FRMD4B: variants seen among roughly 807,000 people sequenced by gnomAD.
FRMD4B encodes the protein FERM domain-containing protein 4B.
Under a neutral mutation model 141.5 loss-of-function variants are expected in FRMD4B, and 74 were observed. That is an observed-to-expected ratio of 0.52 (90% CI 0.43 to 0.63). The LOEUF is 0.63. FRMD4B is among the 30% of genes least tolerant of loss of function. FRMD4B has a pLI of 0.00. For missense variants in FRMD4B, 1,366 were observed against 1,253.4 expected, an observed-to-expected ratio of 1.09 and a Z score of -1.36; for synonymous variants, 506 against 467.9, an observed-to-expected ratio of 1.08 and a Z score of -1.05.
At chr3:69,289,002 C>T (rs972376874) in intron 4 of FRMD4B, among the ~76,000 whole-genome samples, 11 of 152,140 alleles carry the variant, frequency 7.2e-5, no homozygotes, top group Non-Finnish European at 1.2e-4. Flanking sequence ...GAGTCATCAA[C>T]GGAAGTTCCA....
chr3:69,421,135 GA>G (rs1020373124), intron 2 of FRMD4B, among the ~76,000 whole-genome samples: 1 of 152,178 alleles, frequency 6.6e-6, no homozygotes, highest in Non-Finnish European at 1.5e-5. Flanking sequence ...GGGCAGCTTA[GA>G]TACACCCAGG....
At chr3:69,517,957 G>A (rs1460293789) in intron 1 of FRMD4B, among the ~76,000 whole-genome samples, 1 of 152,184 alleles carries the variant, frequency 6.6e-6, no homozygotes, top group Non-Finnish European at 1.5e-5. Flanking sequence ...TCTGTAGAGA[G>A]TAAAACTCAA....
At chr3:69,285,747 G>A (rs952704806) in intron 5 of FRMD4B, among the ~76,000 whole-genome samples, 1 of 152,130 alleles carries the variant, frequency 6.6e-6, no homozygotes, top group African/African-American at 2.4e-5. Context: ...GGGAGGCTGA[G>A]GCAGGCGAAT....
intron 2 of FRMD4B, among the ~76,000 whole-genome samples, chr3:69,405,035 C>T (rs1452002018): frequency 1.3e-5 from 2 of 152,202 alleles, no homozygotes; most frequent in Admixed American, 1.3e-4. Context: ...GAGCTCTTTG[C>T]TCGCGAATGA....
At chr3:69,299,667 A>G (rs538116383) in intron 4 of FRMD4B, among the ~76,000 whole-genome samples, 1 of 152,388 alleles carries the variant, frequency 6.6e-6, no homozygotes, top group South Asian at 2.1e-4. Flanking sequence ...TGTTTACTAT[A>G]AAAGTGCCAC....
At chr3:69,235,634 G>C (rs765040947) in intron 7 of FRMD4B, among the ~76,000 whole-genome samples, 4 of 151,518 alleles carry the variant, frequency 2.6e-5, no homozygotes, top group Non-Finnish European at 5.9e-5. Flanking sequence ...ACTCCAGCCT[G>C]GACAACAGAG....
Position 69,541,613 on chromosome 3 carries a change from G to A in FRMD4B, c.-129+593C>T, listed in dbSNP as rs144529814. Among the ~76,000 whole-genome samples, 245 of 152,284 alleles carry A rather than the reference G, an allele frequency of 1.6e-3. 4 individuals carry two copies. The highest frequency in any genetic ancestry group is 0.013 in the South Asian group (63 of 4,830). ...GGCATTTCTCAAAGTAGGAGCTAAA[G>A]ATTATATTTATTTTTTCCTCCCCAG... On this transcript the variant is annotated intron_variant, in intron 1 of 5. Transcript: ENST00000459638.
At chr3:69,540,274 G>A (rs1701153008) in intron 1 of FRMD4B, among the ~76,000 whole-genome samples, 2 of 151,946 alleles carry the variant, frequency 1.3e-5, no homozygotes, top group African/African-American at 2.4e-5. Context: ...TATACAGAGT[G>A]CTTACTGAGT....
intron 21 of FRMD4B, among the ~76,000 whole-genome samples, chr3:69,178,842 T>C (rs1018991175): frequency 3.3e-5 from 5 of 151,820 alleles, no homozygotes; most frequent in Admixed American, 6.6e-5. Flanking sequence ...AATCACTATA[T>C]AGAACTGTTG....
chr3:69,305,788 T>C (rs1300978572), intron 3 of FRMD4B, among the ~76,000 whole-genome samples: 1 of 152,228 alleles, frequency 6.6e-6, no homozygotes, highest in East Asian at 1.9e-4. Flanking sequence ...TATATTTGTA[T>C]GAACTTGCAT....
At chr3:69,364,205 C>T (rs2107472587) in intron 1 of FRMD4B, among the ~76,000 whole-genome samples, 1 of 152,350 alleles carries the variant, frequency 6.6e-6, no homozygotes, top group East Asian at 1.9e-4. Flanking sequence ...TCTTGCCTGT[C>T]CCACTCACCT....
chr3:69,423,376 AC>A (rs137995539), intron 2 of FRMD4B, among the ~76,000 whole-genome samples: 53,509 of 151,740 alleles, frequency 0.35, 9,839 homozygotes, highest in African/African-American at 0.45. Context: ...AATTTGAGTC[AC>A]CCAATGCTCC....
At chr3:69,265,393 G>A (rs2093556024) in intron 5 of FRMD4B, among the ~76,000 whole-genome samples, 1 of 145,242 alleles carries the variant, frequency 6.9e-6, no homozygotes, top group African/African-American at 2.5e-5. Context: ...TATGGTTTGT[G>A]CAATGCACTT....
chr3:69,426,343 CAT>C, intron 2 of FRMD4B, among the ~76,000 whole-genome samples: 1 of 141,244 alleles, frequency 7.1e-6, no homozygotes, highest in South Asian at 2.2e-4. Flanking sequence ...TGTGTGTGTG[CAT>C]GTGTGTGTGT....
At chr3:69,538,169 G>C (rs1701113734) in intron 1 of FRMD4B, among the ~76,000 whole-genome samples, 1 of 152,160 alleles carries the variant, frequency 6.6e-6, no homozygotes, top group East Asian at 1.9e-4. Context: ...CCAATACACA[G>C]AGGAAAGAAG....
chr3:69,247,279 G>A (rs2093431431), intron 7 of FRMD4B, among the ~76,000 whole-genome samples: 1 of 152,152 alleles, frequency 6.6e-6, no homozygotes, highest in African/African-American at 2.4e-5. Flanking sequence ...TCACAGCCTT[G>A]ACTGGGGCTA....
At position 69,181,344 on chromosome 3, in the gene FRMD4B, G is replaced by A. The variant is rs2092705753; in HGVS notation, c.2406C>T (p.Ser802=). The A allele has an allele frequency of 6.2e-7, 1 of 1,613,882 alleles. No individual in the cohort carries two copies. Among genetic ancestry groups the A allele is most frequent in the Non-Finnish European group, 8.5e-7 (1 of 1,179,790 alleles). Residue 802 remains serine, a synonymous_variant, in exon 21 of 23, where the codon TCC becomes TCT. Transcript: ENST00000398540. The part of the protein sequence containing the change: ...VYSKSQEPPS[S]SYYIAGYTPY... The stretch of plus-strand genomic sequence containing the variant: ...GTGTGTACCCGGCAATGTAGTAACT[G>A]GAAGACGGTGGCTCCTGACTCTTTG...
At chr3:69,232,217 A>G (rs942085922) in intron 7 of FRMD4B, among the ~76,000 whole-genome samples, 1 of 152,230 alleles carries the variant, frequency 6.6e-6, no homozygotes, top group Non-Finnish European at 1.5e-5. Flanking sequence ...GCACTTGACC[A>G]GAATTGCCAT....
At chr3:69,509,669 T>G (rs1419333269) in intron 1 of FRMD4B, among the ~76,000 whole-genome samples, 2 of 152,134 alleles carry the variant, frequency 1.3e-5, no homozygotes, top group Non-Finnish European at 2.9e-5. Flanking sequence ...AGAAACCTTG[T>G]AGAGTCATAT....
Sources: gnomAD v4.1 joint callset for allele counts (sites outside exome capture counted in the v4.1 genomes callset) on GRCh38, gnomAD v4.1.1 for gene constraint, MANE v1.5 for transcripts, NCBI Gene and HGNC (gene_info 2026-07-23, HGNC 2026-07-21) for gene names.